IFI16: variants seen among roughly 807,000 people sequenced by gnomAD.
IFI16 encodes gamma-interferon-inducible protein 16.
In IFI16, 49 loss-of-function variants were observed where a neutral mutation model predicts 68.4. The ratio of observed to expected loss-of-function variants is 0.72; its 90% CI spans 0.57 to 0.91. The LOEUF is 0.91. Ranked by LOEUF, IFI16 falls within the 40% of genes least tolerant of loss-of-function variation. The probability of loss-of-function intolerance (pLI) is 0.00; values close to 1 mark genes in which losing one functional copy is unlikely to be tolerated. For synonymous variants in IFI16, 307 were observed against 315.0 expected, an observed-to-expected ratio of 0.97 and a Z score of 0.27; for missense variants, 878 against 942.9, an observed-to-expected ratio of 0.93 and a Z score of 0.90.
Position 159,015,689 on chromosome 1 carries a change from T to C in IFI16, c.266-183T>C, listed in dbSNP as rs1283613466. 5 of 571,434 alleles carry C rather than the reference T, an allele frequency of 8.7e-6. No individual in the cohort carries two copies. The African/African-American group carries it at 9.4e-5, about 11-fold the overall frequency. 35.4% of individuals were successfully genotyped at this position (571,434 alleles called of 1,614,324 possible). A position where few individuals can be genotyped will look rare whatever the true frequency, so the allele number is the denominator to read the frequency against. On this transcript the variant is annotated intron_variant, in intron 2 of 11. Transcript: ENST00000295809. ...GCATGAGTCAGTGCTTGTTCCTGTCTTGTGACTGCTGGTCTCCTTAAGGCC... is the reference window on the plus strand; with the variant it reads ...GCATGAGTCAGTGCTTGTTCCTGTCCTGTGACTGCTGGTCTCCTTAAGGCC...
chr1:159,014,761 CT>C lies in IFI16; in HGVS notation c.83del (p.Leu28TyrfsTer2). On this transcript the variant is annotated frameshift_variant, in exon 2 of 12. Coordinates refer to ENST00000295809, the MANE Select transcript of IFI16 (RefSeq NM_001376587.1). LOFTEE classifies it high-confidence loss of function. ...ATTATCATTTTAGAATGGTTAAGTC[CT>C]TACTGAGCAACGATTTAAAACTTAA... ...NDYHFRMVKSLLSNDLKLNLK... is the reference protein window; with the variant it reads ...NDYHFRMVKSXLSNDLKLNLK... The C allele has an allele frequency of 6.2e-7, 1 of 1,611,060 alleles. No individual in the cohort carries two copies. Among genetic ancestry groups the C allele is most frequent in the Non-Finnish European group, 8.5e-7 (1 of 1,177,250 alleles).
intron 7 of IFI16, among the ~76,000 whole-genome samples, chr1:159,039,019 CTT>C (rs1457738571): frequency 6.6e-6 from 1 of 152,158 alleles, no homozygotes; most frequent in African/African-American, 2.4e-5. Context: ...GCTTCTATCA[CTT>C]TGGTTAATGT....
At chr1:159,034,623 G>A (rs919219836) in intron 7 of IFI16, among the ~76,000 whole-genome samples, 6 of 152,046 alleles carry the variant, frequency 3.9e-5, no homozygotes, top group African/African-American at 1.2e-4. Flanking sequence ...GTCTCTTCTT[G>A]AACCCAACTC....
At chr1:159,043,107 GA>G (rs746938686) in intron 7 of IFI16, among the ~76,000 whole-genome samples, 5 of 152,132 alleles carry the variant, frequency 3.3e-5, no homozygotes, top group Non-Finnish European at 7.4e-5. Context: ...CAATTTTTTA[GA>G]CAGTCATTTT....
chr1:159,043,775 A>G (rs1251938146), intron 7 of IFI16, among the ~76,000 whole-genome samples: 1 of 152,238 alleles, frequency 6.6e-6, no homozygotes, highest in East Asian at 1.9e-4. Flanking sequence ...AAATGCTTGC[A>G]CTTTTAAAAT....
chr1:159,036,502 T>A (rs1654337019), intron 7 of IFI16, among the ~76,000 whole-genome samples: 2 of 152,238 alleles, frequency 1.3e-5, no homozygotes, highest in African/African-American at 4.8e-5. Context: ...AAGATTCAAA[T>A]CCAGCCTTAA....
chr1:159,046,543 C>T (rs2101914226), intron 8 of IFI16, among the ~76,000 whole-genome samples: 1 of 151,372 alleles, frequency 6.6e-6, no homozygotes, highest in African/African-American at 2.4e-5. Context: ...AACAATTCCA[C>T]CAGTATTATT....
Position 159,016,651 on chromosome 1 carries a change from C to T in IFI16, c.500C>T (p.Pro167Leu), listed in dbSNP as rs773769219. The T allele has an allele frequency of 3.7e-6, 6 of 1,614,166 alleles. No homozygotes were observed. The South Asian group carries it at 4.4e-5, about 12-fold the overall frequency. ...AGMSTAMGRSPSPKTSLSAPP... is the reference protein window; with the variant it reads ...AGMSTAMGRSLSPKTSLSAPP... ...ATGTCCACAGCCATGGGCCGTTCCC[C>T]ATCTCCCAAGACCTCATTGTCAGCT... The change falls in exon 4 of 12, where the codon CCA becomes CTA. Residue 167 changes from proline (P) to leucine (L), a missense_variant. Physicochemically the swap from Pro to Leu is moderately conservative, Grantham distance 98. Coordinates refer to ENST00000295809, the MANE Select transcript of IFI16 (RefSeq NM_001376587.1).
intron 6 of IFI16, among the ~76,000 whole-genome samples, chr1:159,022,168 G>C (rs1300652207): frequency 6.6e-6 from 1 of 151,922 alleles, no homozygotes; most frequent in Admixed American, 6.5e-5. Context: ...GTTTCACCGT[G>C]TTAGCCAGGT....
chr1:159,022,260 G>A (rs56985565), intron 6 of IFI16, among the ~76,000 whole-genome samples: 1 of 152,034 alleles, frequency 6.6e-6, no homozygotes, highest in Non-Finnish European at 1.5e-5. Flanking sequence ...CACCGTGCCC[G>A]GCCCTTAGCC....
Position 159,018,619 on chromosome 1 carries a change from A to T in IFI16, c.940A>T (p.Asn314Tyr). The change falls in exon 5 of 12, where the codon AAT (asparagine) becomes TAT (tyrosine). Residue 314 changes from asparagine to tyrosine, a missense_variant. This residue lies in a region of IFI16 where 443 missense variants were observed against 421.8 expected (regional missense o/e 1.05). Transcript: ENST00000295809. ...IDILHKQASG[N>Y]IVYGVFMLHK... ...TATTCTTCACAAACAAGCTTCAGGA[A>T]ATATTGTATATGGGGTATTTATGCT... 1 of 1,612,954 alleles carries T rather than the reference A, an allele frequency of 6.2e-7. No homozygotes were observed. Among genetic ancestry groups the T allele is most frequent in the Non-Finnish European group, 8.5e-7 (1 of 1,179,386 alleles).
At chr1:159,013,162 C>CTTT (rs59743054) in intron 1 of IFI16, among the ~76,000 whole-genome samples, 1 of 54,644 alleles carries the variant, frequency 1.8e-5, no homozygotes, top group African/African-American at 6.4e-5. Flanking sequence ...AAGAAGGAAG[C>CTTT]TTTTTTTTTT....
At chr1:159,011,825 G>C (rs1178806049) in intron 1 of IFI16, among the ~76,000 whole-genome samples, 1 of 151,996 alleles carries the variant, frequency 6.6e-6, no homozygotes, top group African/African-American at 2.4e-5. Context: ...AATCAAATTT[G>C]ATGAAAGTTG....
rs569122161 is a variant in IFI16, at chr1:159,019,288, C to T, written c.972+637C>T. On this transcript the variant is annotated intron_variant, in intron 5 of 11. Coordinates refer to ENST00000295809, the MANE Select transcript of IFI16 (RefSeq NM_001376587.1). ...AAAAAAAAAAATAGAGTACAGAGTG[C>T]TTTTCCTGATATGTTCCTGTCCAAA... 4.6e-5 allele frequency among the ~76,000 whole-genome samples: 7 copies of T among 151,046 alleles called. No individual in the cohort carries two copies. In the South Asian group the frequency reaches 1.5e-3, roughly 32 times the overall value.
At chr1:159,033,220 T>A (rs1252529322) in intron 7 of IFI16, among the ~76,000 whole-genome samples, 1 of 152,196 alleles carries the variant, frequency 6.6e-6, no homozygotes, top group Non-Finnish European at 1.5e-5. Context: ...TTCTCGCTGA[T>A]ACAAGATACT....
In IFI16 at chr1:159,051,664, T is replaced by A; in HGVS notation, c.1666-15T>A. The A allele has an allele frequency of 6.3e-7, 1 of 1,599,604 alleles. No homozygotes were observed. The highest frequency in any genetic ancestry group is 1.1e-5 in the South Asian group (1 of 89,968). ...TGTTTTAATTGTGCCTATGTTTTGG[T>A]CTCTACCTTCTAAGTTGAAACCAAG... is the stretch of plus-strand genomic sequence containing the variant. On this transcript the variant is annotated splice_polypyrimidine_tract_variant and intron_variant, in intron 9 of 11. Transcript: ENST00000295809.
At position 159,052,056 on chromosome 1, in the gene IFI16, A is replaced by G; in HGVS notation, c.2043A>G (p.Gln681=). Residue 681 remains glutamine, a synonymous_variant, in exon 10 of 12, where the codon CAA becomes CAG. Coordinates refer to ENST00000295809, the MANE Select transcript of IFI16 (RefSeq NM_001376587.1). The part of the protein sequence containing the change: ...VTPKINQLCS[Q]TKGSFVNGVF... ...CTAAAATCAATCAGCTTTGCTCACAAACTAAAGGAAGTTTTGTGAATGGGG... is the reference window on the plus strand; with the variant it reads ...CTAAAATCAATCAGCTTTGCTCACAGACTAAAGGAAGTTTTGTGAATGGGG... 1 of 1,613,592 alleles carries G rather than the reference A, an allele frequency of 6.2e-7. No homozygotes were observed. Among genetic ancestry groups the G allele is most frequent in the Non-Finnish European group, 8.5e-7 (1 of 1,179,880 alleles).
Position 159,048,581 on chromosome 1 carries a change from T to C in IFI16, c.1498-851T>C, listed in dbSNP as rs140913274. On this transcript the variant is annotated intron_variant, in intron 8 of 11. Coordinates refer to ENST00000295809, the MANE Select transcript of IFI16 (RefSeq NM_001376587.1). ...GTGCTCAGTGGTGGTCAGAGACTGT[T>C]CTAATCAAGAAGCTGTTCTCCATGT... Among the ~76,000 whole-genome samples the C allele has an allele frequency of 9.2e-3, 1,392 of 151,494 alleles. 38 individuals are homozygous for C. Among genetic ancestry groups the C allele is most frequent in the African/African-American group, 0.032 (1,310 of 41,406 alleles).
intron 11 of IFI16, 49 bp from the exon 12 acceptor site, chr1:159,054,772 G>C (rs762655884): frequency 1.5e-5 from 14 of 929,504 alleles, no homozygotes; most frequent in Non-Finnish European, 2.3e-5. Flanking sequence ...GAGAAATGTA[G>C]GATCATCAGC....
Sources: allele counts gnomAD v4.1 joint callset (sites outside exome capture counted in the v4.1 genomes callset), GRCh38; gene constraint gnomAD v4.1.1; regional missense constraint gnomAD v4.1.1; transcripts MANE v1.5; gene names NCBI Gene and HGNC (gene_info 2026-07-23, HGNC 2026-07-21).